MUC17: variants seen among roughly 807,000 people sequenced by gnomAD.
MUC17 encodes the protein mucin-17.
Under a neutral mutation model 170.3 loss-of-function variants are expected in MUC17, and 190 were observed. The ratio of observed to expected loss-of-function variants is 1.12; its 90% CI spans 0.99 to 1.26. The LOEUF is 1.26. Among genes scored for constraint, MUC17 ranks in the 50% most tolerant of loss-of-function variants. The pLI, the probability that MUC17 is intolerant of heterozygous loss-of-function variation, is 0.00. For missense variants in MUC17, 6,415 were observed against 5,530.0 expected (o/e 1.16, Z -5.08); for synonymous variants, 2,325 against 2,002.5 (o/e 1.16, Z -4.30).
chr7:101,034,712 G>A lies in MUC17; in HGVS notation c.3296G>A (p.Gly1099Glu), dbSNP rs1205525179. ...TSMPTSTYSE[G>E]STPLTSVPVS... ...ATGCCAACCTCAACTTATAGTGAAG[G>A]AAGCACTCCACTAACAAGTGTGCCT... The change falls in exon 3 of 13, where the codon GGA becomes GAA. Residue 1099 changes from glycine to glutamate, a missense_variant. Physicochemically the swap from Gly to Glu is moderately conservative, Grantham distance 98. Coordinates refer to ENST00000306151, the MANE Select transcript of MUC17 (RefSeq NM_001040105.2). 3 of 1,606,886 alleles carry A rather than the reference G, an allele frequency of 1.9e-6. No individual in the cohort carries two copies. The highest frequency in any genetic ancestry group is 2.6e-6 in the Non-Finnish European group (3 of 1,175,870).
In MUC17 at chr7:101,042,112, A is replaced by T; in HGVS notation, c.10696A>T (p.Met3566Leu). ...SSPATLQVTT[M>L]RMSTPSEGSS... ...TCCAGCAACTCTTCAGGTCACCACT[A>T]TGCGTATGTCTACTCCAAGTGAAGG... The change falls in exon 3 of 13, where the codon ATG (methionine) becomes TTG (leucine). Residue 3566 changes from methionine to leucine, a missense_variant. Physicochemically the swap from Met to Leu is conservative, Grantham distance 15. Coordinates refer to ENST00000306151, the MANE Select transcript of MUC17 (RefSeq NM_001040105.2). 6.2e-7 allele frequency: 1 copy of T among 1,614,120 alleles called. No homozygotes were observed. The highest frequency in any genetic ancestry group is 8.5e-7 in the Non-Finnish European group (1 of 1,180,006).
Position 101,036,610 on chromosome 7 carries a change from A to G in MUC17, c.5194A>G (p.Thr1732Ala), listed in dbSNP as rs1584864592. ...TTCTACTGAAGCCCGTTCATCTCCTACAACTTCTGAAGGTACCAGCATGCC... is the reference window on the plus strand; with the variant it reads ...TTCTACTGAAGCCCGTTCATCTCCTGCAACTTCTGAAGGTACCAGCATGCC... Reference protein sequence around the residue: ...TTSTEARSSPTTSEGTSMPNS... With the variant: ...TTSTEARSSPATSEGTSMPNS... Residue 1732 changes from threonine (T) to alanine (A), a missense_variant, in exon 3 of 13, where the codon ACA becomes GCA. Physicochemically the swap from Thr to Ala is moderately conservative, Grantham distance 58. Coordinates refer to ENST00000306151, the MANE Select transcript of MUC17 (RefSeq NM_001040105.2). The G allele has an allele frequency of 6.2e-7, 1 of 1,613,020 alleles. No individual in the cohort carries two copies. The highest frequency in any genetic ancestry group is 1.1e-5 in the South Asian group (1 of 91,014).
chr7:101,045,295 G>C (rs1794818767), intron 3 of MUC17, among the ~76,000 whole-genome samples: 1 of 152,122 alleles, frequency 6.6e-6, no homozygotes, highest in South Asian at 2.1e-4. Flanking sequence ...GATGAAGGGT[G>C]GTTCTTCAGC....
intron 6 of MUC17, 82 bp from the exon 7 acceptor site, chr7:101,050,402 G>A: frequency 6.5e-7 from 1 of 1,541,590 alleles, no homozygotes. Flanking sequence ...CTTGGGATCA[G>A]AGAGGGTGAA....
chr7:101,036,302 G>T lies in MUC17; in HGVS notation c.4886G>T (p.Gly1629Val). 3 of 1,613,750 alleles carry T rather than the reference G, an allele frequency of 1.9e-6. No homozygotes were observed. Among genetic ancestry groups the T allele is most frequent in the Non-Finnish European group, 1.7e-6 (2 of 1,179,950 alleles). ...ATGACAATCTCAACTCCTAGTGAAGGAAGTCCTCTATTAACAAGTATACCT... is the reference window on the plus strand; with the variant it reads ...ATGACAATCTCAACTCCTAGTGAAGTAAGTCCTCTATTAACAAGTATACCT... ...SSMTISTPSE[G>V]SPLLTSIPVS... The change falls in exon 3 of 13, where the codon GGA becomes GTA. Residue 1629 changes from glycine to valine, a missense_variant. Coordinates refer to ENST00000306151, the MANE Select transcript of MUC17 (RefSeq NM_001040105.2).
At chr7:101,022,729 C>T (rs1418073944) in intron 1 of MUC17, among the ~76,000 whole-genome samples, 2 of 152,004 alleles carry the variant, frequency 1.3e-5, no homozygotes, top group Non-Finnish European at 2.9e-5. Context: ...GGTGGGAGGA[C>T]TGCTTGAGCC....
intron 1 of MUC17, among the ~76,000 whole-genome samples, chr7:101,027,040 G>A (rs1584855687): frequency 6.6e-6 from 1 of 151,954 alleles, no homozygotes; most frequent in Admixed American, 6.6e-5. Flanking sequence ...ATTATTGAAA[G>A]ATAATATGCC....
At position 101,032,825 on chromosome 7, in the gene MUC17, G is replaced by T; in HGVS notation, c.1409G>T (p.Ser470Ile). 1 of 1,613,956 alleles carries T rather than the reference G, an allele frequency of 6.2e-7. No homozygotes were observed. Among genetic ancestry groups the T allele is most frequent in the Non-Finnish European group, 8.5e-7 (1 of 1,179,964 alleles). ...ACTCCAGTGGCCAGTTCTGAGGCTAGCAACCTTTCAACAACTCCTGTTGAC... is the reference window on the plus strand; with the variant it reads ...ACTCCAGTGGCCAGTTCTGAGGCTATCAACCTTTCAACAACTCCTGTTGAC... The part of the protein sequence containing the change: ...STTPVASSEA[S>I]NLSTTPVDSK... The change falls in exon 3 of 13, where the codon AGC (serine) becomes ATC (isoleucine). Residue 470 changes from serine to isoleucine, a missense_variant. Transcript: ENST00000306151.
In MUC17 at chr7:101,039,172, T is replaced by C. The variant is rs141240359; in HGVS notation, c.7756T>C (p.Leu2586=). 14 of 1,610,146 alleles carry C rather than the reference T, an allele frequency of 8.7e-6. No homozygotes were observed. Among genetic ancestry groups the C allele is most frequent in the Non-Finnish European group, 1.2e-5 (14 of 1,178,826 alleles). Residue 2586 remains leucine (L), a synonymous_variant, in exon 3 of 13, where the codon TTG becomes CTG. Coordinates refer to ENST00000306151, the MANE Select transcript of MUC17 (RefSeq NM_001040105.2). The part of the protein sequence containing the change: ...LRSMPVSTKP[L]ASSEASTLST... ...AAGTATGCCTGTCAGCACCAAGCCG[T>C]TGGCCAGTTCTGAGGCTAGCACTCT...
Position 101,029,342 on chromosome 7 carries a change from C to T in MUC17, c.83-1778C>T, listed in dbSNP as rs143733305. 0.016 allele frequency among the ~76,000 whole-genome samples: 2,368 copies of T among 151,902 alleles called. 145 individuals carry two copies. The East Asian group carries it at 0.17, about 11-fold the overall frequency. On this transcript the variant is annotated intron_variant, in intron 1 of 12. Coordinates refer to ENST00000306151, the MANE Select transcript of MUC17 (RefSeq NM_001040105.2). ...CTGCACTCCAGCCTGGGCAACAGAG[C>T]GAGGCTCTGTCTCTAAATACATACA... is the stretch of plus-strand genomic sequence containing the variant.
intron 7 of MUC17, 53 bp downstream of exon 7, chr7:101,050,688 T>A: frequency 6.3e-7 from 1 of 1,585,822 alleles, no homozygotes; most frequent in Non-Finnish European, 8.6e-7. Context: ...AGCTGGGGCA[T>A]GACTTTCTTA....
Position 101,039,073 on chromosome 7 carries a change from A to T in MUC17, c.7657A>T (p.Ser2553Cys), listed in dbSNP as rs761942060. ...TCCTGTGGTCACTTCTACTGAAATC[A>T]GTTCATCTGCTACATCCGCTGAAGG... ...NSPVVTSTEI[S>C]SSATSAEGTS... is the part of the protein sequence containing the mutation. Residue 2553 changes from serine (S) to cysteine (C), a missense_variant, in exon 3 of 13, where the codon AGT becomes TGT. Transcript: ENST00000306151. 6.2e-6 allele frequency: 10 copies of T among 1,612,956 alleles called. 1 individual carries two copies. Among genetic ancestry groups the T allele is most frequent in the Middle Eastern group, 3.3e-4 (2 of 6,062 alleles).
Position 101,036,931 on chromosome 7 carries a change from G to A in MUC17, c.5515G>A (p.Val1839Met), listed in dbSNP as rs1411156865. ...AACTCCTGTTGACTCTAACAGTCCT[G>A]TGGTCACTTCTACAGCAGTCAGTTC... Reference protein sequence around the residue: ...STTPVDSNSPVVTSTAVSSSP... With the variant: ...STTPVDSNSPMVTSTAVSSSP... Residue 1839 changes from valine (V) to methionine (M), a missense_variant, in exon 3 of 13, where the codon GTG becomes ATG. Coordinates refer to ENST00000306151, the MANE Select transcript of MUC17 (RefSeq NM_001040105.2). 1 of 1,612,812 alleles carries A rather than the reference G, an allele frequency of 6.2e-7. No individual in the cohort carries two copies. Among genetic ancestry groups the A allele is most frequent in the Non-Finnish European group, 8.5e-7 (1 of 1,179,296 alleles).
intron 1 of MUC17, among the ~76,000 whole-genome samples, chr7:101,021,620 G>A (rs990704405): frequency 4.6e-5 from 7 of 151,072 alleles, no homozygotes; most frequent in Non-Finnish European, 7.4e-5. Flanking sequence ...CACTTTCTGC[G>A]TGTTATCATT....
chr7:101,028,036 G>A (rs890233073), intron 1 of MUC17, among the ~76,000 whole-genome samples: 3 of 151,336 alleles, frequency 2.0e-5, no homozygotes, highest in Non-Finnish European at 4.4e-5. Context: ...GCTTCCCAAA[G>A]TGCTGGGATT....
In MUC17 at chr7:101,020,181, C is replaced by G. The variant is rs1284360579; in HGVS notation, c.46C>G (p.Leu16Val). 1.2e-6 allele frequency: 2 copies of G among 1,610,032 alleles called. No homozygotes were observed. Among genetic ancestry groups the G allele is most frequent in the South Asian group, 2.2e-5 (2 of 90,052 alleles). The change falls in exon 1 of 13, where the codon CTC (leucine) becomes GTC (valine). Residue 16 changes from leucine (L) to valine (V), a missense_variant. By Grantham distance (32) the Leu-to-Val change is conservative. Transcript: ENST00000306151. Reference protein sequence around the residue: ...TMALCLLTLVLSLLPPQAAAE... With the variant: ...TMALCLLTLVVSLLPPQAAAE... ...GGCGCTGTGTCTGCTGACCTTGGTC[C>G]TCTCGCTCTTGCCCCCACAAGCTGC...
chr7:101,020,532 A>G (rs1262939517), intron 1 of MUC17, among the ~76,000 whole-genome samples: 1 of 151,736 alleles, frequency 6.6e-6, no homozygotes, highest in East Asian at 1.9e-4. Context: ...GATTGAAAAG[A>G]GCTCCCCCCC....
Position 101,042,778 on chromosome 7 carries a change from G to A in MUC17, c.11362G>A (p.Ala3788Thr), listed in dbSNP as rs1367819647. 6.2e-7 allele frequency: 1 copy of A among 1,614,044 alleles called. No individual in the cohort carries two copies. The highest frequency in any genetic ancestry group is 1.7e-5 in the Admixed American group (1 of 60,020). ...SVYTSMSMTTASEGSSSPTTL... is the reference protein window; with the variant it reads ...SVYTSMSMTTTSEGSSSPTTL... ...TTACACCAGCATGTCTATGACCACT[G>A]CCTCTGAAGGCAGTTCATCTCCTAC... The change falls in exon 3 of 13, where the codon GCC becomes ACC. Residue 3788 changes from alanine to threonine, a missense_variant. By Grantham distance (58) the Ala-to-Thr change is moderately conservative. Coordinates refer to ENST00000306151, the MANE Select transcript of MUC17 (RefSeq NM_001040105.2).
rs113710942 is a variant in MUC17, at chr7:101,037,379, C to T, written c.5963C>T (p.Thr1988Ile). ...TATAGTGAAGGAAGCACTCCACTAACAAGTATGCCTCTCAGCACCACGCTG... is the reference window on the plus strand; with the variant it reads ...TATAGTGAAGGAAGCACTCCACTAATAAGTATGCCTCTCAGCACCACGCTG... ...PAYSEGSTPL[T>I]SMPLSTTLVV... is the part of the protein sequence containing the mutation. Residue 1988 changes from threonine to isoleucine, a missense_variant, in exon 3 of 13, where the codon ACA becomes ATA. Coordinates refer to ENST00000306151, the MANE Select transcript of MUC17 (RefSeq NM_001040105.2). The T allele has an allele frequency of 6.2e-7, 1 of 1,614,036 alleles. No homozygotes were observed.
Sources: allele counts gnomAD v4.1 joint callset (sites outside exome capture counted in the v4.1 genomes callset), GRCh38; gene constraint gnomAD v4.1.1; transcripts MANE v1.5; gene names NCBI Gene and HGNC (gene_info 2026-07-23, HGNC 2026-07-21).